CYTH3: variants seen among roughly 807,000 people sequenced by gnomAD.
The protein encoded by CYTH3 is cytohesin 3.
Under a neutral mutation model 55.1 loss-of-function variants are expected in CYTH3, and 23 were observed. The ratio of observed to expected loss-of-function variants is 0.42; its 90% CI spans 0.30 to 0.59. CYTH3 has a LOEUF of 0.59. Among genes scored for constraint, CYTH3 ranks in the 20% least tolerant of loss-of-function variants. The probability of loss-of-function intolerance (pLI) is 0.20; values close to 1 mark genes in which losing one functional copy is unlikely to be tolerated. For synonymous variants in CYTH3, 249 were observed against 194.9 expected (o/e 1.28, Z -2.31); for missense variants, 413 against 524.8 (o/e 0.79, Z 2.08).
rs146820839 is a variant in CYTH3, at chr7:6,195,635, C to T, written c.35-5104G>A. On this transcript the variant is annotated intron_variant, in intron 1 of 12. Transcript: ENST00000350796. ...ACGCCCGGCTAATTTTTTGTATTCA[C>T]ACTGCTGTTTTCTTAAGCAATCCTC... Among the ~76,000 whole-genome samples the T allele has an allele frequency of 5.1e-3, 781 of 152,030 alleles. 5 individuals carry two copies. The highest frequency in any genetic ancestry group is 0.018 in the African/African-American group (745 of 41,480).
rs755033999 is a variant in CYTH3 at position 6,170,563 on chromosome 7, G to C, written c.795C>G (p.Pro265=). Residue 265 remains proline, a synonymous_variant, in exon 9 of 13, where the codon CCC becomes CCG. Coordinates refer to ENST00000350796, the MANE Select transcript of CYTH3 (RefSeq NM_004227.4). The surrounding 1 kb of genome is among the most constrained non-coding windows in gnomAD (Gnocchi z 7.8). The part of the protein sequence containing the change: ...GNDLTHTFFN[P]DREGWLLKLG... ...GCTTCAGGAGCCAGCCCTCGCGGTCGGGGTTGAAGAAGGTGTGGGTCAGGT... is the reference window on the plus strand; with the variant it reads ...GCTTCAGGAGCCAGCCCTCGCGGTCCGGGTTGAAGAAGGTGTGGGTCAGGT... 6.2e-7 allele frequency: 1 copy of C among 1,613,964 alleles called. No individual in the cohort carries two copies. The highest frequency in any genetic ancestry group is 1.1e-5 in the South Asian group (1 of 91,074).
chr7:6,237,334 G>A (rs1215214060), intron 1 of CYTH3, among the ~76,000 whole-genome samples: 1 of 152,210 alleles, frequency 6.6e-6, no homozygotes, highest in Admixed American at 6.5e-5. Flanking sequence ...ATAAAAGGCT[G>A]AGAAAATAAA....
intron 4 of CYTH3, among the ~76,000 whole-genome samples, chr7:6,180,363 G>A (rs534585734): frequency 1.3e-5 from 2 of 152,224 alleles, no homozygotes; most frequent in African/African-American, 2.4e-5. Flanking sequence ...GACAAGCAGA[G>A]GAGGAGGACA....
chr7:6,231,859 C>T (rs554661357), intron 1 of CYTH3, among the ~76,000 whole-genome samples: 7 of 152,278 alleles, frequency 4.6e-5, no homozygotes, highest in Admixed American at 6.5e-5. Context: ...CATCGGGACC[C>T]GGGCCACAAG....
intron 1 of CYTH3, among the ~76,000 whole-genome samples, chr7:6,223,186 G>A (rs896891462): frequency 1.3e-5 from 2 of 151,408 alleles, no homozygotes; most frequent in Non-Finnish European, 2.9e-5. Context: ...GCCTCTGCCC[G>A]GCCGCCCCAT....
At chr7:6,251,253 C>A (rs1481127008) in intron 1 of CYTH3, among the ~76,000 whole-genome samples, 7 of 151,122 alleles carry the variant, frequency 4.6e-5, no homozygotes, top group Middle Eastern at 3.4e-3. Flanking sequence ...CCAGCCTGGG[C>A]AACAAGAGCG....
rs1782831724 is a variant in CYTH3 at position 6,161,936 on chromosome 7, A to G, written c.*3008T>C. On this transcript the variant is annotated 3_prime_UTR_variant, in exon 13 of 13. Transcript: ENST00000350796. ...GAGTATATACATCATTGAATAACAG[A>G]CACTCCAGAAATCAACAGATGTACA... The G allele has an allele frequency of 6.6e-6, 1 of 152,624 alleles. No individual in the cohort carries two copies. Among genetic ancestry groups the G allele is most frequent in the Non-Finnish European group, 1.5e-5 (1 of 68,052 alleles). 9.5% of individuals were successfully genotyped at this position (152,624 alleles called of 1,614,324 possible).
chr7:6,172,615 C>T, intron 6 of CYTH3: 1 of 756,188 alleles, frequency 1.3e-6, no homozygotes, highest in Non-Finnish European at 1.7e-6. Context: ...CTATGCCAGG[C>T]TCCCACGGCT....
At chr7:6,194,297 T>TG (rs1435208613) in intron 1 of CYTH3, among the ~76,000 whole-genome samples, 5 of 152,112 alleles carry the variant, frequency 3.3e-5, no homozygotes, top group Non-Finnish European at 5.9e-5. Flanking sequence ...TATAAAACCT[T>TG]GGGGAAAAAG....
rs1289258293 is a variant in CYTH3, at chr7:6,179,760, CCA to C, written c.250-1821_250-1820del. ...CCACCACACACACCCCACACCCCCA[CCA>C]CACACACCCCACACACACCACCTAC... On this transcript the variant is annotated intron_variant, in intron 4 of 12. Coordinates refer to ENST00000350796, the MANE Select transcript of CYTH3 (RefSeq NM_004227.4). 4.3e-4 allele frequency among the ~76,000 whole-genome samples: 47 copies of C among 110,458 alleles called. 1 individual carries two copies. The highest frequency in any genetic ancestry group is 6.3e-4 in the East Asian group (2 of 3,200). The allele number at this position is 110,458 out of a possible 152,430, so 72.5% of individuals were successfully genotyped here. A position where few individuals can be genotyped will look rare whatever the true frequency, so the allele number is the denominator to read the frequency against.
chr7:6,186,053 G>A (rs1180979773), intron 4 of CYTH3, among the ~76,000 whole-genome samples: 1 of 151,708 alleles, frequency 6.6e-6, no homozygotes, highest in Non-Finnish European at 1.5e-5. Flanking sequence ...GACCATCCTG[G>A]CTAACACAGT....
intron 1 of CYTH3, among the ~76,000 whole-genome samples, chr7:6,225,309 G>C (rs1779219655): frequency 1.3e-5 from 2 of 151,914 alleles, no homozygotes; most frequent in African/African-American, 4.8e-5. Context: ...CAAGGTATGG[G>C]ATAAACTGTT....
chr7:6,213,058 T>C (rs1008413047), intron 1 of CYTH3, among the ~76,000 whole-genome samples: 14 of 152,346 alleles, frequency 9.2e-5, no homozygotes, highest in Admixed American at 2.6e-4. Flanking sequence ...CGCTGACTTA[T>C]TGTTTAGTTT....
chr7:6,267,768 C>T (rs940473286), intron 1 of CYTH3, among the ~76,000 whole-genome samples: 1 of 152,140 alleles, frequency 6.6e-6, no homozygotes, highest in Non-Finnish European at 1.5e-5. Context: ...ATGATCTACC[C>T]GCCTTGGCCT....
intron 1 of CYTH3, among the ~76,000 whole-genome samples, chr7:6,268,153 A>C (rs1337308553): frequency 1.3e-5 from 2 of 151,940 alleles, no homozygotes; most frequent in South Asian, 2.1e-4. Context: ...ACACTTTCCT[A>C]CACTTTGCTC....
At position 6,169,162 on chromosome 7, in the gene CYTH3, C is replaced by T. The variant is rs1783098083; in HGVS notation, c.823+1373G>A. ...TAATGGGAATGGCAGACCTGTGGGA[C>T]TCACACCCTTTCCACCAGCTGAGGA... On this transcript the variant is annotated intron_variant, in intron 9 of 12. Transcript: ENST00000350796. This position sits in a 1 kb window ranked among gnomAD's most constrained non-coding sequence, Gnocchi z 4.1. Among the ~76,000 whole-genome samples the T allele has an allele frequency of 6.6e-6, 1 of 152,240 alleles. No individual in the cohort carries two copies. Among genetic ancestry groups the T allele is most frequent in the East Asian group, 1.9e-4 (1 of 5,196 alleles).
chr7:6,170,512 G>T lies in CYTH3; in HGVS notation c.823+23C>A. The T allele has an allele frequency of 6.2e-7, 1 of 1,609,684 alleles. No individual in the cohort carries two copies. Among genetic ancestry groups the T allele is most frequent in the Non-Finnish European group, 8.5e-7 (1 of 1,176,892 alleles). ...CCATGGGCAGAGGGGTCACGCCCGG[G>T]TCCCGCTGGGCCGGCGGCTCACCCA... On this transcript the variant is annotated intron_variant, in intron 9 of 12. Transcript: ENST00000350796. The surrounding 1 kb of genome is among the most constrained non-coding windows in gnomAD (Gnocchi z 7.8).
In CYTH3 at chr7:6,167,206, C is replaced by T. The variant is rs1783034889; in HGVS notation, c.824-1396G>A. ...CGCGGGCTCCATGCTCTCTGCAAGCCCTTGGCCTTCACCTTCCCCACCTCC... is the reference window on the plus strand; with the variant it reads ...CGCGGGCTCCATGCTCTCTGCAAGCTCTTGGCCTTCACCTTCCCCACCTCC... On this transcript the variant is annotated intron_variant, in intron 9 of 12. Transcript: ENST00000350796. The surrounding 1 kb of genome is among the most constrained non-coding windows in gnomAD (Gnocchi z 5.5). 1.3e-5 allele frequency among the ~76,000 whole-genome samples: 2 copies of T among 152,182 alleles called. No homozygotes were observed. Among genetic ancestry groups the T allele is most frequent in the Non-Finnish European group, 2.9e-5 (2 of 68,034 alleles).
At chr7:6,246,514 G>T (rs1583193822) in intron 1 of CYTH3, among the ~76,000 whole-genome samples, 1 of 152,068 alleles carries the variant, frequency 6.6e-6, no homozygotes, top group East Asian at 1.9e-4. Context: ...ATGTAGATGT[G>T]TGACGTGGAA....
Sources: gnomAD v4.1 joint callset for allele counts (sites outside exome capture counted in the v4.1 genomes callset) on GRCh38, gnomAD v4.1.1 for gene constraint, Gnocchi (gnomAD v3.1) non-coding constraint, MANE v1.5 for transcripts, NCBI Gene and HGNC (gene_info 2026-07-23, HGNC 2026-07-21) for gene names.